Variants in FRMD3 observed in about 807,000 individuals in gnomAD.
FRMD3 encodes the protein FERM domain-containing protein 3.
Under a neutral mutation model 70.2 loss-of-function variants are expected in FRMD3, and 33 were observed. The ratio of observed to expected loss-of-function variants is 0.47; its 90% CI spans 0.36 to 0.63. The LOEUF is 0.63. Ranked by LOEUF, FRMD3 falls within the 20% of genes least tolerant of loss-of-function variation. FRMD3 has a pLI of 0.00. For synonymous variants in FRMD3, 279 were observed against 255.9 expected (o/e 1.09, Z -0.86); for missense variants, 632 against 711.4 (o/e 0.89, Z 1.27).
intron 1 of FRMD3, among the ~76,000 whole-genome samples, chr9:83,404,695 C>T (rs1227842647): frequency 6.6e-6 from 1 of 152,158 alleles, no homozygotes; most frequent in African/African-American, 2.4e-5. Flanking sequence ...TTTATATGTA[C>T]ACACACATAC....
At chr9:83,533,472 A>T (rs1829829800) in intron 1 of FRMD3, among the ~76,000 whole-genome samples, 1 of 152,242 alleles carries the variant, frequency 6.6e-6, no homozygotes, top group South Asian at 2.1e-4. Context: ...ACAAAAGAAA[A>T]GAAAATTGAC....
At chr9:83,570,585 G>A in the FRMD3 span, among the ~76,000 whole-genome samples, 9 of 152,214 alleles carry the variant, frequency 5.9e-5, no homozygotes, top group Admixed American at 3.3e-4. Flanking sequence ...ACTGGAGACC[G>A]AAAGTAGCAG....
At chr9:83,250,136 G>C (rs1832331521) in intron 13 of FRMD3, among the ~76,000 whole-genome samples, 1 of 152,170 alleles carries the variant, frequency 6.6e-6, no homozygotes, top group African/African-American at 2.4e-5. Context: ...TCAACCCACA[G>C]AGAATAAAGA....
chr9:83,293,027 G>A (rs150184321), intron 12 of FRMD3, among the ~76,000 whole-genome samples: 1 of 152,326 alleles, frequency 6.6e-6, no homozygotes, highest in East Asian at 1.9e-4. Context: ...TCCCATGGGA[G>A]CACAAAGGAG....
At chr9:83,564,149 G>A in the FRMD3 span, among the ~76,000 whole-genome samples, 1 of 152,130 alleles carries the variant, frequency 6.6e-6, no homozygotes, top group Non-Finnish European at 1.5e-5. Flanking sequence ...AAGTATAGTG[G>A]CCATATCAAA....
chr9:83,571,622 T>C, the FRMD3 span, among the ~76,000 whole-genome samples: 1 of 152,220 alleles, frequency 6.6e-6, no homozygotes, highest in African/African-American at 2.4e-5. Flanking sequence ...GGGAGACATC[T>C]AGCTAAGACA....
chr9:83,299,174 G>C lies in FRMD3; in HGVS notation c.939C>G (p.Ser313=), dbSNP rs777309279. 1.9e-6 allele frequency: 3 copies of C among 1,610,700 alleles called. No homozygotes were observed. In the African/African-American group the frequency reaches 4.0e-5, roughly 22 times the overall value. The stretch of plus-strand genomic sequence containing the variant: ...TGCTTGATACAGTCTTGATCTGACT[G>C]GATTTTGCATACCTTTAAGAAAAAG... ...ENQAFYKYAK[S]SQIKTVSSSK... The change falls in exon 11 of 14, where the codon TCC becomes TCG. Residue 313 remains serine (S), a synonymous_variant. Coordinates refer to ENST00000304195, the MANE Select transcript of FRMD3 (RefSeq NM_174938.6).
intron 1 of FRMD3, among the ~76,000 whole-genome samples, chr9:83,510,662 A>G (rs2131530112): frequency 6.6e-6 from 1 of 152,364 alleles, no homozygotes; most frequent in South Asian, 2.1e-4. Context: ...GTACGTCCAT[A>G]TAACGAAATA....
chr9:83,388,390 C>T (rs974741381), intron 2 of FRMD3, among the ~76,000 whole-genome samples: 1 of 152,156 alleles, frequency 6.6e-6, no homozygotes, highest in African/African-American at 2.4e-5. Context: ...CCTATCCCCA[C>T]TTCCAGGCTA....
intron 2 of FRMD3, 138 bp from the exon 3 acceptor site, chr9:83,373,093 C>A: frequency 1.5e-6 from 1 of 688,156 alleles, no homozygotes; most frequent in Non-Finnish European, 2.5e-6. Context: ...ACTCTGAAGA[C>A]CAACATAAAC....
In FRMD3 at chr9:83,246,171, T is replaced by C. The variant is rs4877745; in HGVS notation, c.*1747A>G. Reference sequence around the variant, plus strand: ...TTAGAAATCATGCTAATGATAGGGTTGGAATGTCATTAGCTAGAGAGAGCG... The same window carrying C: ...TTAGAAATCATGCTAATGATAGGGTCGGAATGTCATTAGCTAGAGAGAGCG... On this transcript the variant is annotated 3_prime_UTR_variant, in exon 14 of 14. Transcript: ENST00000304195. The C allele has an allele frequency of 0.28, 272,055 of 982,788 alleles. 38,729 individuals carry two copies. Among genetic ancestry groups the C allele is most frequent in the Admixed American group, 0.33 (5,416 of 16,260 alleles). 60.9% of individuals were successfully genotyped at this position (982,788 alleles called of 1,614,324 possible).
chr9:83,529,488 CA>C (rs1829751100), intron 1 of FRMD3, among the ~76,000 whole-genome samples: 1 of 152,222 alleles, frequency 6.6e-6, no homozygotes, highest in African/African-American at 2.4e-5. Context: ...TTATGGTATG[CA>C]AACTATGTAT....
intron 1 of FRMD3, among the ~76,000 whole-genome samples, chr9:83,527,408 A>C (rs918606402): frequency 2.0e-5 from 3 of 152,152 alleles, no homozygotes; most frequent in African/African-American, 7.2e-5. Context: ...GGATTTCTTT[A>C]TTTATTCACT....
chr9:83,347,106 G>A (rs1182858262), intron 4 of FRMD3, among the ~76,000 whole-genome samples: 1 of 152,196 alleles, frequency 6.6e-6, no homozygotes, highest in Non-Finnish European at 1.5e-5. Context: ...ATTGATAAAT[G>A]AGAGGCTTGA....
chr9:83,451,022 C>T (rs1827638104), intron 1 of FRMD3, among the ~76,000 whole-genome samples: 1 of 152,138 alleles, frequency 6.6e-6, no homozygotes, highest in Non-Finnish European at 1.5e-5. Context: ...ACCTTCAACC[C>T]GAGAGCAACG....
chr9:83,540,130 G>A (rs995176827), upstream of FRMD3, among the ~76,000 whole-genome samples: 1 of 152,168 alleles, frequency 6.6e-6, no homozygotes, highest in Non-Finnish European at 1.5e-5. Context: ...ACATCTTACA[G>A]CTGTAATCTG....
chr9:83,344,247 C>T (rs150301035), intron 4 of FRMD3, among the ~76,000 whole-genome samples: 60 of 152,296 alleles, frequency 3.9e-4, no homozygotes, highest in Admixed American at 3.0e-3. Context: ...AGATTCTTTC[C>T]GTGCTTCCTT....
At chr9:83,557,380 C>A in the FRMD3 span, among the ~76,000 whole-genome samples, 1 of 152,062 alleles carries the variant, frequency 6.6e-6, no homozygotes, top group Non-Finnish European at 1.5e-5. Flanking sequence ...GCACTGGTTA[C>A]AAAGTTATGA....
intron 13 of FRMD3, among the ~76,000 whole-genome samples, chr9:83,284,001 G>A (rs2118928181): frequency 1.3e-5 from 2 of 151,480 alleles, no homozygotes; most frequent in Non-Finnish European, 2.9e-5. Flanking sequence ...AAATGCATAG[G>A]GAAGAAATTG....
Sources: allele counts gnomAD v4.1 joint callset (sites outside exome capture counted in the v4.1 genomes callset), GRCh38; gene constraint gnomAD v4.1.1; transcripts MANE v1.5; gene names NCBI Gene and HGNC (gene_info 2026-07-23, HGNC 2026-07-21).